The following COL22A1 variants were observed in gnomAD, a reference collection of about 807,000 sequenced individuals.
The protein encoded by COL22A1 is collagen type XXII alpha 1 chain.
In COL22A1, 221 loss-of-function variants were observed where a neutral mutation model predicts 248.9. That is an observed-to-expected ratio of 0.89 (90% CI 0.80 to 0.99). The LOEUF is 0.99. COL22A1 is among the 50% of genes least tolerant of loss of function. The probability of loss-of-function intolerance (pLI) is 0.00; values close to 1 mark genes in which losing one functional copy is unlikely to be tolerated. For missense variants in COL22A1, 2,240 were observed against 2,179.0 expected (o/e 1.03, Z -0.56); for synonymous variants, 891 against 793.4 (o/e 1.12, Z -2.07).
intron 18 of COL22A1, among the ~76,000 whole-genome samples, chr8:138,756,757 A>G (rs1447655693): frequency 1.3e-5 from 2 of 152,132 alleles, no homozygotes; most frequent in Non-Finnish European, 2.9e-5. Context: ...ATTCTATTCT[A>G]TGGACAGAAA....
chr8:138,706,638 G>T (rs531653428), intron 30 of COL22A1, among the ~76,000 whole-genome samples: 5 of 152,166 alleles, frequency 3.3e-5, no homozygotes, highest in African/African-American at 9.6e-5. Flanking sequence ...ATTCAAAGCA[G>T]TGTGTAAAGG....
chr8:138,781,027 C>T (rs769098937), intron 12 of COL22A1, 47 bp from the exon 13 acceptor site: 2 of 1,365,844 alleles, frequency 1.5e-6, no homozygotes, highest in Non-Finnish European at 1.0e-6. Context: ...ATAACTGAGA[C>T]AGGCTCTCAG....
rs183389464 is a variant in COL22A1 at position 138,730,595 on chromosome 8, A to G, written c.2140-5155T>C. On this transcript the variant is annotated intron_variant, in intron 23 of 64. Coordinates refer to ENST00000303045, the MANE Select transcript of COL22A1 (RefSeq NM_152888.3). ...ACGGCAAGGGTTTCTAAAAATATAT[A>G]GTAGGTACAAAAATACTTTCTGTGC... is the stretch of plus-strand genomic sequence containing the variant. Among the ~76,000 whole-genome samples the G allele has an allele frequency of 1.8e-3, 276 of 152,326 alleles. 1 individual carries two copies. The highest frequency in any genetic ancestry group is 0.014 in the Middle Eastern group (4 of 294).
intron 57 of COL22A1, among the ~76,000 whole-genome samples, chr8:138,606,931 G>C (rs1564089058): frequency 6.6e-6 from 1 of 152,116 alleles, no homozygotes; most frequent in Non-Finnish European, 1.5e-5. Flanking sequence ...GAGGTGATGG[G>C]TCCAGCCTCT....
intron 12 of COL22A1, among the ~76,000 whole-genome samples, chr8:138,789,898 ACTTC>A (rs1389113249): frequency 6.6e-6 from 1 of 152,228 alleles, no homozygotes; most frequent in African/African-American, 2.4e-5. Flanking sequence ...AGTACATGGC[ACTTC>A]CTTTTCAAAG....
intron 11 of COL22A1, among the ~76,000 whole-genome samples, chr8:138,798,524 C>T (rs1340753984): frequency 6.6e-6 from 1 of 152,064 alleles, no homozygotes; most frequent in Non-Finnish European, 1.5e-5. Context: ...AACTTACTTC[C>T]AGTTAGACAT....
At chr8:138,679,497 A>C (rs1825802279) in intron 40 of COL22A1, 120 bp downstream of exon 40, 2 of 834,182 alleles carry the variant, frequency 2.4e-6, no homozygotes, top group African/African-American at 1.7e-5. Flanking sequence ...TCCATGTTCT[A>C]AGCTTCCAAA....
chr8:138,826,431 C>T (rs1819585686), intron 6 of COL22A1, among the ~76,000 whole-genome samples: 1 of 152,102 alleles, frequency 6.6e-6, no homozygotes, highest in African/African-American at 2.4e-5. Flanking sequence ...TCTTCTTTAC[C>T]CCCATCAGAA....
intron 40 of COL22A1, among the ~76,000 whole-genome samples, chr8:138,678,947 G>T (rs562282410): frequency 1.3e-5 from 2 of 152,274 alleles, no homozygotes; most frequent in Non-Finnish European, 2.9e-5. Context: ...ACAAGGTCTT[G>T]CTCTGTCACC....
chr8:138,794,448 G>A (rs1260491127), intron 12 of COL22A1, among the ~76,000 whole-genome samples: 2 of 151,424 alleles, frequency 1.3e-5, no homozygotes, highest in Admixed American at 6.6e-5. Context: ...TCACCACTGT[G>A]GAAAACAGTA....
intron 47 of COL22A1, among the ~76,000 whole-genome samples, chr8:138,644,804 T>C (rs1564136358): frequency 6.6e-6 from 1 of 152,234 alleles, no homozygotes; most frequent in Non-Finnish European, 1.5e-5. Context: ...GCCAGCCTGC[T>C]CAGCATAAAT....
chr8:138,668,455 C>T (rs1441296071), intron 41 of COL22A1, among the ~76,000 whole-genome samples: 1 of 152,160 alleles, frequency 6.6e-6, no homozygotes, highest in African/African-American at 2.4e-5. Context: ...ACATCTGATA[C>T]ACATGCACAG....
chr8:138,692,257 C>CACGTGCGTGTATGCATGTTTGTGGAG (rs796325411), intron 35 of COL22A1, among the ~76,000 whole-genome samples: 1 of 10,660 alleles, frequency 9.4e-5, no homozygotes. Flanking sequence ...CGTATGTGTG[C>CACGTGCGTGTATGCATGTTTGTGGAG]GTGTGTGCAT....
intron 22 of COL22A1, among the ~76,000 whole-genome samples, chr8:138,742,856 TTGA>T (rs1392436345): frequency 2.0e-4 from 27 of 134,946 alleles, no homozygotes; most frequent in African/African-American, 7.6e-4. Flanking sequence ...GATGGTAGAG[TTGA>T]TGATGATGGT....
intron 18 of COL22A1, 110 bp downstream of exon 18, chr8:138,760,133 C>T: frequency 1.3e-6 from 1 of 772,946 alleles, no homozygotes; most frequent in Non-Finnish European, 1.9e-6. Flanking sequence ...GTGCTTTGTT[C>T]CCAGAGTTGC....
chr8:138,679,534 C>T (rs1216228166), intron 40 of COL22A1, 83 bp downstream of exon 40: 2 of 1,125,442 alleles, frequency 1.8e-6, no homozygotes, highest in South Asian at 1.2e-5. Context: ...AGACTCAGTC[C>T]CATTATTTTG....
At chr8:138,713,239 T>G (rs1271702234) in intron 30 of COL22A1, among the ~76,000 whole-genome samples, 1 of 151,678 alleles carries the variant, frequency 6.6e-6, no homozygotes, top group Non-Finnish European at 1.5e-5. Context: ...TTGTCGTGGA[T>G]GGGGTGGGGG....
At chr8:138,658,234 C>A (rs1823470513) in intron 44 of COL22A1, among the ~76,000 whole-genome samples, 1 of 152,202 alleles carries the variant, frequency 6.6e-6, no homozygotes, top group South Asian at 2.1e-4. Context: ...GTTGTCCAAA[C>A]CCTGCACATT....
intron 22 of COL22A1, 121 bp from the exon 23 acceptor site, chr8:138,737,698 T>C (rs1029553197): frequency 4.4e-6 from 3 of 679,940 alleles, no homozygotes; most frequent in African/African-American, 1.8e-5. Flanking sequence ...GATTAACAAT[T>C]GTCCCTCAGG....
Sources: gnomAD v4.1 joint callset for allele counts (sites outside exome capture counted in the v4.1 genomes callset) on GRCh38, gnomAD v4.1.1 for gene constraint, MANE v1.5 for transcripts, NCBI Gene and HGNC (gene_info 2026-07-23, HGNC 2026-07-21) for gene names.